MAD1L1: variants seen among roughly 807,000 people sequenced by gnomAD.
The protein encoded by MAD1L1 is mitotic arrest deficient 1 like 1, also known as mitotic spindle assembly checkpoint protein MAD1.
MAD1L1 carries 95 observed loss-of-function variants against 96.9 expected under a neutral mutation model. That is an observed-to-expected ratio of 0.98 (90% CI 0.83 to 1.16). MAD1L1 has a LOEUF of 1.16. Ranked by LOEUF, MAD1L1 falls within the 50% of genes most tolerant of loss-of-function variation. The probability of loss-of-function intolerance (pLI) is 0.00; values close to 1 mark genes in which losing one functional copy is unlikely to be tolerated. For synonymous variants in MAD1L1, 473 were observed against 396.6 expected (o/e 1.19, Z -2.29); for missense variants, 1,007 against 954.4 (o/e 1.06, Z -0.73).
At chr7:2,046,758 T>C (rs767907629) in intron 12 of MAD1L1, among the ~76,000 whole-genome samples, 25 of 152,176 alleles carry the variant, frequency 1.6e-4, no homozygotes, top group Non-Finnish European at 3.5e-4. Context: ...AGGTGAGTCC[T>C]TTCCAGACCA....
At chr7:2,219,534 A>G in intron 5 of MAD1L1, 78 bp from the exon 6 acceptor site, 1 of 1,525,478 alleles carries the variant, frequency 6.6e-7, no homozygotes, top group Non-Finnish European at 8.9e-7. Context: ...GGAGATGAGA[A>G]GAGTGGAGAG....
rs7800224 is a variant in MAD1L1 at position 2,220,959 on chromosome 7, G to A, written c.472-1503C>T. Reference sequence around the variant, plus strand: ...GGTCACCCGTGTTGTAGGGGACGCCGGACAGTTGGCAAGGAAGAGGCGCAT... The same window carrying A: ...GGTCACCCGTGTTGTAGGGGACGCCAGACAGTTGGCAAGGAAGAGGCGCAT... On this transcript the variant is annotated intron_variant, in intron 5 of 18. Transcript: ENST00000265854. 4.0e-3 allele frequency: 6,462 copies of A among 1,609,324 alleles called. 233 individuals are homozygous for A. The African/African-American group carries it at 0.078, about 19-fold the overall frequency.
At chr7:1,892,250 G>A (rs980098987) in intron 18 of MAD1L1, among the ~76,000 whole-genome samples, 24 of 152,288 alleles carry the variant, frequency 1.6e-4, no homozygotes, top group African/African-American at 4.1e-4. Flanking sequence ...CCAAGGGTGC[G>A]GGAGGCTGCA....
At chr7:2,164,598 G>A (rs1229737858) in intron 10 of MAD1L1, among the ~76,000 whole-genome samples, 1 of 149,416 alleles carries the variant, frequency 6.7e-6, no homozygotes, top group South Asian at 2.2e-4. Context: ...AAAAATGGGG[G>A]GGGGGGGGGT....
At chr7:2,018,879 T>C (rs1235528637) in intron 12 of MAD1L1, among the ~76,000 whole-genome samples, 1 of 151,420 alleles carries the variant, frequency 6.6e-6, no homozygotes, top group Non-Finnish European at 1.5e-5. Context: ...AAGGCTGTTC[T>C]GCACATGCGA....
chr7:2,123,023 G>A (rs1788054604), intron 11 of MAD1L1, among the ~76,000 whole-genome samples: 1 of 152,314 alleles, frequency 6.6e-6, no homozygotes, highest in East Asian at 1.9e-4. Context: ...CAGCAGGGGA[G>A]CCGGGCGCAG....
intron 16 of MAD1L1, among the ~76,000 whole-genome samples, chr7:1,953,572 T>G (rs946113685): frequency 1.3e-5 from 2 of 152,202 alleles, no homozygotes; most frequent in African/African-American, 4.8e-5. Flanking sequence ...ACTGAGGCAT[T>G]TAGAGGAAGC....
chr7:1,872,429 C>A (rs373132002), intron 18 of MAD1L1, among the ~76,000 whole-genome samples: 1 of 152,218 alleles, frequency 6.6e-6, no homozygotes, highest in Non-Finnish European at 1.5e-5. Flanking sequence ...GCGGCTTCCC[C>A]GTCTGTCTCT....
intron 10 of MAD1L1, among the ~76,000 whole-genome samples, chr7:2,195,736 C>T (rs997441534): frequency 6.6e-6 from 1 of 152,260 alleles, no homozygotes; most frequent in African/African-American, 2.4e-5. Flanking sequence ...TGCTCTTACT[C>T]TACCTTGCAG....
chr7:1,887,773 CTG>C (rs534988640), intron 18 of MAD1L1, among the ~76,000 whole-genome samples: 13 of 133,432 alleles, frequency 9.7e-5, no homozygotes, highest in African/African-American at 2.6e-4. Flanking sequence ...ATGTGGCTGC[CTG>C]TGTGTGTGCA....
At chr7:1,909,524 A>ACCT in intron 17 of MAD1L1, among the ~76,000 whole-genome samples, 1 of 152,194 alleles carries the variant, frequency 6.6e-6, no homozygotes, top group South Asian at 2.1e-4. Context: ...TCTGCAAGAG[A>ACCT]CTGTAGGAGG....
In MAD1L1 at chr7:2,085,422, C is replaced by A. The variant is rs1785865937; in HGVS notation, c.1074-16084G>T. On this transcript the variant is annotated intron_variant, in intron 11 of 18. Coordinates refer to ENST00000265854, the MANE Select transcript of MAD1L1 (RefSeq NM_001013836.2). Reference sequence around the variant, plus strand: ...ATGTAGCTGTCCCTGCCTGCAGCCGCCATTGCCTCTCGGCCACCTGGTTCT... The same window carrying A: ...ATGTAGCTGTCCCTGCCTGCAGCCGACATTGCCTCTCGGCCACCTGGTTCT... Among the ~76,000 whole-genome samples, 2 of 152,372 alleles carry A rather than the reference C, an allele frequency of 1.3e-5. 1 individual carries two copies. Among genetic ancestry groups the A allele is most frequent in the South Asian group, 4.1e-4 (2 of 4,828 alleles).
intron 18 of MAD1L1, chr7:1,817,107 C>T (rs1402082151): frequency 2.6e-5 from 4 of 152,254 alleles, no homozygotes; most frequent in African/African-American, 4.8e-5. Flanking sequence ...CATGCCAGGA[C>T]GCTGGGCACC....
intron 11 of MAD1L1, among the ~76,000 whole-genome samples, chr7:2,075,180 G>C (rs895679855): frequency 6.6e-6 from 1 of 152,210 alleles, no homozygotes; most frequent in Non-Finnish European, 1.5e-5. Flanking sequence ...TAGGAGCCAA[G>C]CCCTGGAGGT....
chr7:1,908,444 C>T lies in MAD1L1; in HGVS notation c.1808-10054G>A, dbSNP rs1415003791. On this transcript the variant is annotated intron_variant, in intron 17 of 18. Coordinates refer to ENST00000265854, the MANE Select transcript of MAD1L1 (RefSeq NM_001013836.2). ...TCACCCAGGCTGGAGTGCAGTGGCG[C>T]GATCGTGGCTCACTGTAGCCTCGAA... Among the ~76,000 whole-genome samples, 15 of 152,222 alleles carry T rather than the reference C, an allele frequency of 9.9e-5. No individual in the cohort carries two copies. In the East Asian group the frequency reaches 1.7e-3, roughly 18 times the overall value.
At chr7:2,208,998 A>C (rs568880061) in intron 10 of MAD1L1, among the ~76,000 whole-genome samples, 1 of 152,104 alleles carries the variant, frequency 6.6e-6, no homozygotes. Context: ...CACTCCCGGC[A>C]CTGGCATCCT....
At chr7:1,853,626 G>A (rs1784091526) in intron 18 of MAD1L1, among the ~76,000 whole-genome samples, 1 of 152,084 alleles carries the variant, frequency 6.6e-6, no homozygotes, top group Non-Finnish European at 1.5e-5. Flanking sequence ...CAGAAACACT[G>A]TCCCCGCCGC....
intron 17 of MAD1L1, among the ~76,000 whole-genome samples, chr7:1,919,922 T>G (rs1020173602): frequency 6.6e-6 from 1 of 152,104 alleles, no homozygotes; most frequent in Non-Finnish European, 1.5e-5. Context: ...TGCCCAGGGG[T>G]GGCAGGGCGG....
At chr7:1,978,108 A>G (rs112382827) in intron 15 of MAD1L1, among the ~76,000 whole-genome samples, 43 of 152,272 alleles carry the variant, frequency 2.8e-4, no homozygotes, top group Admixed American at 7.8e-4. Context: ...CCCTTTCTCC[A>G]TGATGACAAG....
Sources: allele counts gnomAD v4.1 joint callset (sites outside exome capture counted in the v4.1 genomes callset), GRCh38; gene constraint gnomAD v4.1.1; transcripts MANE v1.5; gene names NCBI Gene and HGNC (gene_info 2026-07-23, HGNC 2026-07-21).